The following NPEPPS variants were observed in gnomAD, a reference collection of about 807,000 sequenced individuals.
NPEPPS encodes the protein aminopeptidase puromycin sensitive.
Under a neutral mutation model 115.5 loss-of-function variants are expected in NPEPPS, and 14 were observed. That is an observed-to-expected ratio of 0.12 (90% CI 0.08 to 0.19). NPEPPS has a LOEUF of 0.19. Among genes scored for constraint, NPEPPS ranks in the 10% least tolerant of loss-of-function variants. The pLI is 1.00. For missense variants in NPEPPS, 523 were observed against 1,110.8 expected (o/e 0.47, Z 7.52); for synonymous variants, 285 against 390.6 (o/e 0.73, Z 3.19).
At chr17:47,544,510 T>G (rs1449362727) in intron 1 of NPEPPS, among the ~76,000 whole-genome samples, 1 of 62,906 alleles carries the variant, frequency 1.6e-5, no homozygotes, top group South Asian at 5.8e-4. Context: ...ACGTATTTAT[T>G]TATTTATTTA....
At chr17:47,603,137 G>A (rs1165701861) in intron 15 of NPEPPS, among the ~76,000 whole-genome samples, 1 of 152,134 alleles carries the variant, frequency 6.6e-6, no homozygotes, top group Non-Finnish European at 1.5e-5. Context: ...TAATGCAGTT[G>A]CCAGGTGTAG....
chr17:47,535,832 CTTTTTTTTT>C (rs553790964), intron 1 of NPEPPS, among the ~76,000 whole-genome samples: 2 of 100,992 alleles, frequency 2.0e-5, no homozygotes, highest in Non-Finnish European at 4.1e-5. Flanking sequence ...ATTGGGTATT[CTTTTTTTTT>C]TTTTTTTTTT....
intron 15 of NPEPPS, among the ~76,000 whole-genome samples, chr17:47,602,968 A>T (rs1304158996): frequency 6.6e-6 from 1 of 152,222 alleles, no homozygotes; most frequent in Non-Finnish European, 1.5e-5. Flanking sequence ...AAAGGGAATC[A>T]ATAAAGTGAT....
In NPEPPS at chr17:47,532,704, A is replaced by G. The variant is rs187541111; in HGVS notation, c.255+1149A>G. ...AAAGGAAAGAAAGAAGCTATTAGTTATAACATACCACCGGTGAAAATATTC... is the reference window on the plus strand; with the variant it reads ...AAAGGAAAGAAAGAAGCTATTAGTTGTAACATACCACCGGTGAAAATATTC... On this transcript the variant is annotated intron_variant, in intron 1 of 22. Coordinates refer to ENST00000322157, the MANE Select transcript of NPEPPS (RefSeq NM_006310.4). 3.1e-3 allele frequency among the ~76,000 whole-genome samples: 466 copies of G among 150,660 alleles called. 3 individuals are homozygous for G. Among genetic ancestry groups the G allele is most frequent in the Middle Eastern group, 7.0e-3 (2 of 286 alleles).
Position 47,531,396 on chromosome 17 carries a change from C to T in NPEPPS, c.96C>T (p.Ser32=), listed in dbSNP as rs753938237. 4 of 1,546,496 alleles carry T rather than the reference C, an allele frequency of 2.6e-6. No individual in the cohort carries two copies. The highest frequency in any genetic ancestry group is 4.9e-5 in the East Asian group (2 of 40,744). The part of the protein sequence containing the change: ...PPLLLLVFSR[S]SRRRLHSLGL... ...TCCTCCTTCTCGTCTTCAGCCGCTC[C>T]TCTCGCCGCCGCCTCCACAGCCTGG... is the stretch of plus-strand genomic sequence containing the variant. Residue 32 remains serine (S), a synonymous_variant, in exon 1 of 23, where the codon TCC becomes TCT. Coordinates refer to ENST00000322157, the MANE Select transcript of NPEPPS (RefSeq NM_006310.4).
At chr17:47,612,419 C>G (rs780550755) in intron 17 of NPEPPS, 41 bp from the exon 18 acceptor site, 1 of 1,599,598 alleles carries the variant, frequency 6.3e-7, no homozygotes. Context: ...TAAAAATAGG[C>G]TTTTTAAGTA....
rs1457201570 is a variant in NPEPPS at position 47,618,345 on chromosome 17, T to C, written c.2296-5T>C. ...CTATTCCTATCTTTATCTTTTTTCC[T>C]GTAGCTTCATAAACAAGCAGATATG... On this transcript the variant is annotated splice_region_variant and splice_polypyrimidine_tract_variant and intron_variant, in intron 19 of 22. Transcript: ENST00000322157. The C allele has an allele frequency of 1.3e-6, 2 of 1,599,036 alleles. No homozygotes were observed. Among genetic ancestry groups the C allele is most frequent in the Non-Finnish European group, 1.7e-6 (2 of 1,166,470 alleles).
At chr17:47,584,226 A>C (rs147783790) in intron 5 of NPEPPS, among the ~76,000 whole-genome samples, 1 of 105,530 alleles carries the variant, frequency 9.5e-6, no homozygotes, top group Non-Finnish European at 2.1e-5. Flanking sequence ...ATCTCGGGGG[A>C]AAAAAAAAAA....
At chr17:47,536,227 C>G (rs372851969) in intron 1 of NPEPPS, among the ~76,000 whole-genome samples, 49 of 152,134 alleles carry the variant, frequency 3.2e-4, no homozygotes, top group African/African-American at 1.1e-3. Flanking sequence ...CAACCCCTGG[C>G]CTCTACTAAC....
chr17:47,548,866 C>T (rs766244036), intron 2 of NPEPPS, among the ~76,000 whole-genome samples: 13 of 151,974 alleles, frequency 8.6e-5, no homozygotes, highest in South Asian at 2.1e-4. Context: ...TGAGCCACTG[C>T]GCCCGACCTG....
At chr17:47,555,484 A>G (rs1202975110) in intron 2 of NPEPPS, among the ~76,000 whole-genome samples, 2 of 151,280 alleles carry the variant, frequency 1.3e-5, no homozygotes, top group Non-Finnish European at 2.9e-5. Context: ...AGTAGCTGGG[A>G]TTACAGGCAT....
chr17:47,606,287 T>G (rs1913512201), intron 17 of NPEPPS, among the ~76,000 whole-genome samples: 2 of 152,182 alleles, frequency 1.3e-5, no homozygotes, highest in Admixed American at 6.5e-5. Flanking sequence ...AAGCATATAT[T>G]TACTCTTTTT....
rs60829784 is a variant in NPEPPS at position 47,615,073 on chromosome 17, C to CTTTTT, written c.2295+1367_2295+1371dup. Among the ~76,000 whole-genome samples the CTTTTT allele has an allele frequency of 3.2e-3, 387 of 122,390 alleles. 8 individuals carry two copies. Among genetic ancestry groups the CTTTTT allele is most frequent in the African/African-American group, 9.3e-3 (277 of 29,684 alleles). The allele number at this position is 122,390 out of a possible 152,430, so 80.3% of individuals were successfully genotyped here. A position where few individuals can be genotyped will look rare whatever the true frequency, so the allele number is the denominator to read the frequency against. ...ATGTTGTAATAGGTTTACTTTCTTTCTTTTTTTTTTTTTTTTTTTTTTTGA... is the reference window on the plus strand; with the variant it reads ...ATGTTGTAATAGGTTTACTTTCTTTCTTTTTTTTTTTTTTTTTTTTTTTTTTTTGA... On this transcript the variant is annotated intron_variant, in intron 19 of 22. Transcript: ENST00000322157.
At chr17:47,535,549 CAAAAAAAAA>C (rs1002859470) in intron 1 of NPEPPS, among the ~76,000 whole-genome samples, 2 of 88,946 alleles carry the variant, frequency 2.2e-5, no homozygotes, top group African/African-American at 9.0e-5. Flanking sequence ...GGCTCCGTCT[CAAAAAAAAA>C]AAAAAAAAAA....
At chr17:47,550,411 A>ACTAC (rs1416236472) in intron 2 of NPEPPS, among the ~76,000 whole-genome samples, 3 of 145,558 alleles carry the variant, frequency 2.1e-5, no homozygotes, top group Non-Finnish European at 3.0e-5. Context: ...CACTGCAACT[A>ACTAC]GTAGAACTTA....
intron 22 of NPEPPS, among the ~76,000 whole-genome samples, chr17:47,621,409 AG>A (rs1914565328): frequency 3.3e-5 from 5 of 152,162 alleles, no homozygotes; most frequent in Admixed American, 6.6e-5. Context: ...ACTGAGACTT[AG>A]AGCAGTTAAT....
intron 13 of NPEPPS, among the ~76,000 whole-genome samples, chr17:47,598,816 A>G (rs942337028): frequency 2.6e-5 from 4 of 152,020 alleles, no homozygotes; most frequent in African/African-American, 9.7e-5. Context: ...TTTTTTGTCT[A>G]CAGGCACGGC....
chr17:47,538,774 C>A (rs543082352), intron 1 of NPEPPS, among the ~76,000 whole-genome samples: 2 of 150,702 alleles, frequency 1.3e-5, no homozygotes, highest in Non-Finnish European at 3.0e-5. Flanking sequence ...GTGATCCACC[C>A]GCCTCGGCCT....
chr17:47,551,453 C>A (rs2143735948), intron 2 of NPEPPS, among the ~76,000 whole-genome samples: 2 of 146,760 alleles, frequency 1.4e-5, no homozygotes, highest in South Asian at 2.2e-4. Flanking sequence ...TTGTGTCATT[C>A]AAAGAGTTTT....
Sources: allele counts gnomAD v4.1 joint callset (sites outside exome capture counted in the v4.1 genomes callset), GRCh38; gene constraint gnomAD v4.1.1; transcripts MANE v1.5; gene names NCBI Gene and HGNC (gene_info 2026-07-23, HGNC 2026-07-21).